Variants in COBL observed in about 807,000 individuals in gnomAD.
The protein encoded by COBL is protein cordon-bleu.
In COBL, 51 loss-of-function variants were observed where a neutral mutation model predicts 98.8. The ratio of observed to expected loss-of-function variants is 0.52; its 90% confidence interval spans 0.41 to 0.65. The LOEUF is 0.65. Ranked by LOEUF, COBL falls within the 30% of genes least tolerant of loss-of-function variation. COBL has a pLI of 0.00. For missense variants in COBL, 1,617 were observed against 1,617.5 expected (o/e 1.00, Z 0.01); for synonymous variants, 634 against 651.7 (o/e 0.97, Z 0.41).
intron 1 of COBL, chr7:51,259,642 G>A: frequency 1.4e-6 from 1 of 728,602 alleles, no homozygotes; most frequent in South Asian, 1.4e-5. Context: ...AAATTCCCCT[G>A]GTGCTCCTCA....
At position 51,171,776 on chromosome 7, in the gene COBL, C is replaced by T. The variant is rs866179439; in HGVS notation, c.783+12326G>A. On this transcript the variant is annotated intron_variant, in intron 5 of 12. Transcript: ENST00000265136. Reference sequence around the variant, plus strand: ...TTTATAACATATTTTACTTAAAGTCCGTATTAAAGACTTTCAAGCATAAAA... The same window carrying T: ...TTTATAACATATTTTACTTAAAGTCTGTATTAAAGACTTTCAAGCATAAAA... Among the ~76,000 whole-genome samples, 15 of 151,706 alleles carry T rather than the reference C, an allele frequency of 9.9e-5. 1 individual carries two copies. Among genetic ancestry groups the T allele is most frequent in the African/African-American group, 2.4e-4 (10 of 41,368 alleles).
intron 5 of COBL, among the ~76,000 whole-genome samples, chr7:51,142,230 A>T (rs1430105109): frequency 6.6e-6 from 1 of 152,034 alleles, no homozygotes; most frequent in Non-Finnish European, 1.5e-5. Flanking sequence ...TGGCATTTTA[A>T]GTATTTAGAA....
At chr7:51,179,182 A>G (rs2129049056) in intron 5 of COBL, among the ~76,000 whole-genome samples, 2 of 152,268 alleles carry the variant, frequency 1.3e-5, no homozygotes, top group South Asian at 4.1e-4. Flanking sequence ...GTATGTGAAA[A>G]TCATACTGGA....
chr7:51,291,709 C>T lies in COBL; in HGVS notation c.41+24884G>A, dbSNP rs561917403. ...CCAGGAAGTGGAGGTTGCAGTGAGC[C>T]GAGACCACGCCATTGCACTCCAGCC... On this transcript the variant is annotated intron_variant, in intron 1 of 12. Transcript: ENST00000265136. Among the ~76,000 whole-genome samples, 10 of 151,286 alleles carry T rather than the reference C, an allele frequency of 6.6e-5. No homozygotes were observed. In the East Asian group the frequency reaches 7.8e-4, roughly 12 times the overall value.
At position 51,126,893 on chromosome 7, in the gene COBL, G is replaced by T. The variant is rs77171461; in HGVS notation, c.957+9265C>A. 3.3e-3 allele frequency among the ~76,000 whole-genome samples: 502 copies of T among 152,264 alleles called. 2 individuals carry two copies. The highest frequency in any genetic ancestry group is 0.011 in the African/African-American group (471 of 41,550). ...GTCACCAGAGACCTCCCTCCAGAAA[G>T]ACAATGGCCCATTCGTCTCGCATGA... On this transcript the variant is annotated intron_variant, in intron 6 of 12. Coordinates refer to ENST00000265136, the MANE Select transcript of COBL (RefSeq NM_015198.5).
Position 51,017,355 on chromosome 7 carries a change from C to A in COBL, c.*196G>T. ...AAAACACATTTCCTTGGCACACGAG[C>A]TGCGCAGCGACACAGCATCTTCTCC... On this transcript the variant is annotated 3_prime_UTR_variant, in exon 13 of 13. Coordinates refer to ENST00000265136, the MANE Select transcript of COBL (RefSeq NM_015198.5). The A allele has an allele frequency of 1.6e-6, 1 of 618,134 alleles. No individual in the cohort carries two copies. Among genetic ancestry groups the A allele is most frequent in the Non-Finnish European group, 2.9e-6 (1 of 344,904 alleles). The allele number at this position is 618,134 out of a possible 1,614,324, so 38.3% of individuals were successfully genotyped here. A position where few individuals can be genotyped will look rare whatever the true frequency, so the allele number is the denominator to read the frequency against.
chr7:51,099,629 T>C (rs2128960930), intron 6 of COBL, among the ~76,000 whole-genome samples: 2 of 152,284 alleles, frequency 1.3e-5, no homozygotes, highest in South Asian at 2.1e-4. Flanking sequence ...GTATAAAATT[T>C]CAGTTATGCA....
chr7:51,293,486 A>G (rs996186760), intron 1 of COBL, among the ~76,000 whole-genome samples: 11 of 152,184 alleles, frequency 7.2e-5, no homozygotes, highest in African/African-American at 2.4e-4. Flanking sequence ...AAAAGATGCC[A>G]CCTACATAAA....
chr7:51,077,641 A>T (rs1562879377), intron 7 of COBL, among the ~76,000 whole-genome samples: 1 of 152,242 alleles, frequency 6.6e-6, no homozygotes, highest in Non-Finnish European at 1.5e-5. Context: ...TTTAAGTGAG[A>T]TCCAGTATTC....
intron 1 of COBL, among the ~76,000 whole-genome samples, chr7:51,267,259 A>C: frequency 6.6e-6 from 1 of 152,144 alleles, no homozygotes; most frequent in East Asian, 1.9e-4. Flanking sequence ...GCTGTAAAAA[A>C]CTTTATGAAA....
chr7:51,248,118 G>A (rs529715090), intron 1 of COBL, among the ~76,000 whole-genome samples: 3 of 152,280 alleles, frequency 2.0e-5, no homozygotes, highest in South Asian at 2.1e-4. Flanking sequence ...AAGCCCAGGC[G>A]ACAGAGCAAA....
intron 6 of COBL, among the ~76,000 whole-genome samples, chr7:51,086,984 A>T (rs1442273872): frequency 1.3e-5 from 2 of 148,794 alleles, no homozygotes; most frequent in East Asian, 3.9e-4. Flanking sequence ...AGCATTTCAC[A>T]TTTTTTTTTT....
intron 12 of COBL, among the ~76,000 whole-genome samples, chr7:51,018,757 T>C (rs1451259437): frequency 6.6e-6 from 1 of 151,054 alleles, no homozygotes; most frequent in Non-Finnish European, 1.5e-5. Flanking sequence ...CTGGGCATGA[T>C]GGCACATGCC....
chr7:51,110,376 C>T (rs1433130491), intron 6 of COBL, among the ~76,000 whole-genome samples: 1 of 152,098 alleles, frequency 6.6e-6, no homozygotes, highest in Admixed American at 6.6e-5. Context: ...CCTTCTGTGC[C>T]TGGTTTATTT....
chr7:51,253,205 C>T (rs950033139), intron 1 of COBL, among the ~76,000 whole-genome samples: 6 of 152,152 alleles, frequency 3.9e-5, no homozygotes, highest in African/African-American at 1.4e-4. Context: ...GTCTGGGCAA[C>T]AGACTCCGTC....
chr7:51,109,022 G>C (rs182533602), intron 6 of COBL, among the ~76,000 whole-genome samples: 1 of 151,354 alleles, frequency 6.6e-6, no homozygotes, highest in Non-Finnish European at 1.5e-5. Flanking sequence ...CTTAGTCTCG[G>C]TCACCCCACC....
chr7:51,227,247 G>A (rs1382375788), intron 1 of COBL, among the ~76,000 whole-genome samples: 1 of 152,156 alleles, frequency 6.6e-6, no homozygotes, highest in African/African-American at 2.4e-5. Flanking sequence ...ACTGAGTTGG[G>A]CCTCCAAGAA....
At chr7:51,123,113 C>T (rs1797894210) in intron 6 of COBL, among the ~76,000 whole-genome samples, 1 of 152,150 alleles carries the variant, frequency 6.6e-6, no homozygotes, top group Admixed American at 6.5e-5. Flanking sequence ...AGTCTCATAA[C>T]ATACTGTATG....
At chr7:51,302,959 C>T (rs1802119957) in intron 1 of COBL, among the ~76,000 whole-genome samples, 1 of 152,188 alleles carries the variant, frequency 6.6e-6, no homozygotes, top group South Asian at 2.1e-4. Context: ...AAATCACCAG[C>T]TCAGTCTTCC....
Sources: allele counts gnomAD v4.1 joint callset (sites outside exome capture counted in the v4.1 genomes callset), GRCh38; gene constraint gnomAD v4.1.1; transcripts MANE v1.5; gene names NCBI Gene and HGNC (gene_info 2026-07-23, HGNC 2026-07-21).